DNASE1L3: variants seen among roughly 807,000 people sequenced by gnomAD.
DNASE1L3 encodes deoxyribonuclease 1L3, also known as deoxyribonuclease gamma.
In DNASE1L3, 27 loss-of-function variants were observed where a neutral mutation model predicts 30.9. The ratio of observed to expected loss-of-function variants is 0.87; its 90% CI spans 0.64 to 1.20. The LOEUF (loss-of-function observed/expected upper bound fraction) is 1.20. Among genes scored for constraint, DNASE1L3 ranks in the 50% most tolerant of loss-of-function variants. The pLI is 0.00. For missense variants in DNASE1L3, 364 were observed against 378.2 expected, an observed-to-expected ratio of 0.96 and a Z score of 0.31; for synonymous variants, 135 against 138.0, an observed-to-expected ratio of 0.98 and a Z score of 0.15.
chr3:58,198,949 C>T (rs1290105657), intron 5 of DNASE1L3, among the ~76,000 whole-genome samples: 1 of 152,120 alleles, frequency 6.6e-6, no homozygotes, highest in Non-Finnish European at 1.5e-5. Context: ...AGAGAAACTT[C>T]CTATCTTGGA....
At chr3:58,201,643 A>G (rs1410865210) in intron 4 of DNASE1L3, among the ~76,000 whole-genome samples, 1 of 152,178 alleles carries the variant, frequency 6.6e-6, no homozygotes, top group Non-Finnish European at 1.5e-5. Context: ...ATTTGGCATA[A>G]GCAACTTCCT....
At chr3:58,201,455 T>A (rs960408473) in intron 4 of DNASE1L3, among the ~76,000 whole-genome samples, 1 of 152,246 alleles carries the variant, frequency 6.6e-6, no homozygotes, top group Non-Finnish European at 1.5e-5. Context: ...AAGACTAACT[T>A]CCTTCAAGTC....
chr3:58,206,260 T>C (rs952616067), intron 2 of DNASE1L3, among the ~76,000 whole-genome samples: 6 of 152,142 alleles, frequency 3.9e-5, no homozygotes, highest in African/African-American at 1.4e-4. Context: ...ATAATTTCAC[T>C]CTATCTGCTC....
At chr3:58,207,448 C>G (rs950990237) in intron 2 of DNASE1L3, among the ~76,000 whole-genome samples, 6 of 51,690 alleles carry the variant, frequency 1.2e-4, no homozygotes, top group South Asian at 1.9e-3. Context: ...CACACCCCCC[C>G]CCCCCCCACC....
At chr3:58,207,808 C>G (rs529342538) in intron 2 of DNASE1L3, 2 of 171,114 alleles carry the variant, frequency 1.2e-5, no homozygotes, top group Admixed American at 1.1e-4. Flanking sequence ...ACTATAGGCA[C>G]GTGCCACCAC....
In DNASE1L3 at chr3:58,192,906, T is replaced by G; in HGVS notation, c.802-103A>C. Reference sequence around the variant, plus strand: ...TTAGGACCAGGGAGGGGAGAGGAAATGCCCGAAGTCACCCCACAGAACACT... The same window carrying G: ...TTAGGACCAGGGAGGGGAGAGGAAAGGCCCGAAGTCACCCCACAGAACACT... On this transcript the variant is annotated intron_variant, in intron 7 of 7. Coordinates refer to ENST00000394549, the MANE Select transcript of DNASE1L3 (RefSeq NM_004944.4). This position sits in a 1 kb window ranked among gnomAD's most constrained non-coding sequence, Gnocchi z 4.8. 2 of 1,525,592 alleles carry G rather than the reference T, an allele frequency of 1.3e-6. No individual in the cohort carries two copies. The highest frequency in any genetic ancestry group is 8.7e-7 in the Non-Finnish European group (1 of 1,142,962). The allele number at this position is 1,525,592 out of a possible 1,614,324, so 94.5% of individuals were successfully genotyped here. A position where few individuals can be genotyped will look rare whatever the true frequency, so the allele number is the denominator to read the frequency against.
rs1199233699 is a variant in DNASE1L3, at chr3:58,200,931, C to T, written c.546+66G>A. The T allele has an allele frequency of 7.5e-7, 1 of 1,324,510 alleles. No homozygotes were observed. Among genetic ancestry groups the T allele is most frequent in the Non-Finnish European group, 1.1e-6 (1 of 933,604 alleles). The allele number at this position is 1,324,510 out of a possible 1,614,324, so 82.0% of individuals were successfully genotyped here. A position where few individuals can be genotyped will look rare whatever the true frequency, so the allele number is the denominator to read the frequency against. On this transcript the variant is annotated intron_variant, in intron 5 of 7. Transcript: ENST00000394549. This position sits in a 1 kb window ranked among gnomAD's most constrained non-coding sequence, Gnocchi z 4.2. ...TCCTCCCCCTCCCTGGAGAGGTACTCATCCCACTCAGGGACCAGAGCCTGC... is the reference window on the plus strand; with the variant it reads ...TCCTCCCCCTCCCTGGAGAGGTACTTATCCCACTCAGGGACCAGAGCCTGC...
At chr3:58,199,396 G>A (rs1469841393) in intron 5 of DNASE1L3, among the ~76,000 whole-genome samples, 3 of 152,064 alleles carry the variant, frequency 2.0e-5, no homozygotes, top group Non-Finnish European at 2.9e-5. Context: ...CCAGCCAGGC[G>A]CCGTGGCTCA....
chr3:58,196,686 C>A (rs1330263160), intron 6 of DNASE1L3, among the ~76,000 whole-genome samples: 1 of 152,056 alleles, frequency 6.6e-6, no homozygotes, highest in Non-Finnish European at 1.5e-5. Flanking sequence ...CACCTGGGAC[C>A]AGGCTCCTAG....
intron 6 of DNASE1L3, among the ~76,000 whole-genome samples, chr3:58,195,701 G>A (rs192074063): frequency 2.1e-5 from 3 of 146,012 alleles, no homozygotes; most frequent in South Asian, 2.2e-4. Context: ...CAGGAAAATC[G>A]CTTGAACCCG....
chr3:58,195,133 G>T (rs1474973873), intron 6 of DNASE1L3, among the ~76,000 whole-genome samples: 2 of 152,146 alleles, frequency 1.3e-5, no homozygotes, highest in Non-Finnish European at 2.9e-5. Context: ...GGGCATCTTT[G>T]CATGTTCCCC....
At chr3:58,206,084 C>T (rs1452961466) in intron 2 of DNASE1L3, among the ~76,000 whole-genome samples, 1 of 152,184 alleles carries the variant, frequency 6.6e-6, no homozygotes, top group Admixed American at 6.5e-5. Flanking sequence ...CATTTTTTTA[C>T]AAGCTTTGGG....
chr3:58,206,988 GGGGATGA>G (rs1358406049), intron 2 of DNASE1L3, among the ~76,000 whole-genome samples: 1 of 152,102 alleles, frequency 6.6e-6, no homozygotes, highest in African/African-American at 2.4e-5. Context: ...CCAGAGCCTG[GGGGATGA>G]TGGCACCAGG....
At chr3:58,193,563 G>C (rs2097395460) in intron 6 of DNASE1L3, 124 bp from the exon 7 acceptor site, 1 of 767,816 alleles carries the variant, frequency 1.3e-6, no homozygotes, top group African/African-American at 1.7e-5. Flanking sequence ...GGCGCTCAAA[G>C]TCCAGAGCTG....
intron 5 of DNASE1L3, 66 bp from the exon 6 acceptor site, chr3:58,198,044 C>G (rs1467250265): frequency 5.9e-6 from 9 of 1,518,000 alleles, no homozygotes; most frequent in African/African-American, 1.4e-5. Context: ...ACACTGGACT[C>G]TAGCAAAGAC....
intron 6 of DNASE1L3, among the ~76,000 whole-genome samples, chr3:58,196,312 A>G (rs929939934): frequency 9.9e-5 from 15 of 151,620 alleles, no homozygotes; most frequent in Non-Finnish European, 1.2e-4. Flanking sequence ...TGGGAGGCCG[A>G]GGCGGGCGGA....
rs752793169 is a variant in DNASE1L3 at position 58,193,386 on chromosome 3, C to T, written c.758G>A (p.Ser253Asn). 2.5e-6 allele frequency: 4 copies of T among 1,614,172 alleles called. No individual in the cohort carries two copies. In the Admixed American group the frequency reaches 6.7e-5, roughly 27 times the overall value. The change falls in exon 7 of 8, where the codon AGT becomes AAT. Residue 253 changes from serine to asparagine, a missense_variant. By Grantham distance (46) the Ser-to-Asn change is conservative. Coordinates refer to ENST00000394549, the MANE Select transcript of DNASE1L3 (RefSeq NM_004944.4). ...IVSSVVPKSNSVFDFQKAYKL... is the reference protein window; with the variant it reads ...IVSSVVPKSNNVFDFQKAYKL... ...GTAAGCTTTCTGGAAGTCAAAAACA[C>T]TGTTTGACTTGGGAACAACAGAACT...
Position 58,197,716 on chromosome 3 carries a change from G to T in DNASE1L3, c.704+105C>A. The T allele has an allele frequency of 6.6e-7, 1 of 1,524,890 alleles. No homozygotes were observed. 94.5% of individuals were successfully genotyped at this position (1,524,890 alleles called of 1,614,324 possible). A position where few individuals can be genotyped will look rare whatever the true frequency, so the allele number is the denominator to read the frequency against. On this transcript the variant is annotated intron_variant, in intron 6 of 7. Transcript: ENST00000394549. This position sits in a 1 kb window ranked among gnomAD's most constrained non-coding sequence, Gnocchi z 5.3. ...GATCCATCCATCGAGGCCTCCCAAA[G>T]TGCTAGGACTACTGGCGTGAGCCAC... is the stretch of plus-strand genomic sequence containing the variant.
chr3:58,204,411 G>A (rs1022421700), intron 4 of DNASE1L3, among the ~76,000 whole-genome samples: 3 of 152,090 alleles, frequency 2.0e-5, no homozygotes, highest in Non-Finnish European at 4.4e-5. Context: ...AAAGTGCTGG[G>A]ATTACAGCCA....
Sources: gnomAD v4.1 joint callset for allele counts (sites outside exome capture counted in the v4.1 genomes callset) on GRCh38, gnomAD v4.1.1 for gene constraint, Gnocchi (gnomAD v3.1) non-coding constraint, MANE v1.5 for transcripts, NCBI Gene and HGNC (gene_info 2026-07-23, HGNC 2026-07-21) for gene names.